Variants in ERICH1 observed in about 807,000 individuals in gnomAD.
ERICH1 encodes the protein glutamate rich 1, also known as glutamate-rich protein 1.
A neutral mutation model predicts 39.6 loss-of-function variants in ERICH1; 56 were observed. The ratio of observed to expected loss-of-function variants is 1.41; its 90% confidence interval spans 1.14 to 1.77. ERICH1 has a LOEUF of 1.77. Among genes scored for constraint, ERICH1 ranks in the 40% most tolerant of loss-of-function variants. The probability of loss-of-function intolerance (pLI) is 0.00; values close to 1 mark genes in which losing one functional copy is unlikely to be tolerated. For missense variants in ERICH1, 826 were observed against 575.4 expected (o/e 1.44, Z -4.45); for synonymous variants, 313 against 223.6 (o/e 1.40, Z -3.57).
At chr8:707,553 A>T (rs1209350012) in intron 2 of ERICH1, among the ~76,000 whole-genome samples, 1 of 152,154 alleles carries the variant, frequency 6.6e-6, no homozygotes, top group Non-Finnish European at 1.5e-5. Context: ...TGGGGAAATG[A>T]TGTCTTCCAC....
chr8:664,292 A>C lies in ERICH1; in HGVS notation c.*311T>G, dbSNP rs755434882. The C allele has an allele frequency of 1.1e-4, 110 of 1,032,010 alleles. No homozygotes were observed. The highest frequency in any genetic ancestry group is 1.3e-4 in the Non-Finnish European group (110 of 860,898). The allele number at this position is 1,032,010 out of a possible 1,614,324, so 63.9% of individuals were successfully genotyped here. On this transcript the variant is annotated 3_prime_UTR_variant, in exon 6 of 6. Transcript: ENST00000262109. ...ATTCAAAACTTCATAAAAATATATG[A>C]GCTTCAAACTATACATTTAACTTAA...
At chr8:713,470 C>A (rs1815229021) in intron 2 of ERICH1, among the ~76,000 whole-genome samples, 1 of 152,068 alleles carries the variant, frequency 6.6e-6, no homozygotes, top group Non-Finnish European at 1.5e-5. Flanking sequence ...ACGGATTTGT[C>A]CCATGGGAAA....
At chr8:678,461 G>A (rs974121003) in intron 3 of ERICH1, among the ~76,000 whole-genome samples, 4 of 152,176 alleles carry the variant, frequency 2.6e-5, no homozygotes, top group African/African-American at 9.6e-5. Context: ...CAATATTCCT[G>A]CATCTGTCTT....
intron 1 of ERICH1, among the ~76,000 whole-genome samples, chr8:719,680 C>T (rs1483785250): frequency 6.6e-6 from 1 of 152,226 alleles, no homozygotes; most frequent in Non-Finnish European, 1.5e-5. Flanking sequence ...CAGTGGCTTT[C>T]CTTCCTCACT....
intron 3 of ERICH1, among the ~76,000 whole-genome samples, chr8:686,922 G>A (rs975612591): frequency 6.8e-6 from 1 of 146,744 alleles, no homozygotes; most frequent in Non-Finnish European, 1.5e-5. Context: ...CCCTTGAGAG[G>A]GTGAGATGCG....
chr8:691,479 C>T (rs765490714), intron 3 of ERICH1, among the ~76,000 whole-genome samples: 3 of 152,362 alleles, frequency 2.0e-5, no homozygotes, highest in East Asian at 3.9e-4. Flanking sequence ...GAGCGCCAAC[C>T]GCGGACAACA....
Position 731,140 on chromosome 8 carries a change from C to T in ERICH1, c.22G>A (p.Val8Met), listed in dbSNP as rs1442950418. MAAHRKH[V>M]FVEKVLQRLF... ...AGGCCTCCGCACCGCACCCACCTACCGTGCTTCCTGTGCGCCGCCATGCGG... is the reference window on the plus strand; with the variant it reads ...AGGCCTCCGCACCGCACCCACCTACTGTGCTTCCTGTGCGCCGCCATGCGG... Residue 8 changes from valine (V) to methionine (M), a missense_variant and splice_region_variant, in exon 1 of 6, where the codon GTG becomes ATG. Transcript: ENST00000262109. The T allele has an allele frequency of 6.6e-7, 1 of 1,523,788 alleles. No homozygotes were observed. The allele number at this position is 1,523,788 out of a possible 1,614,324, so 94.4% of individuals were successfully genotyped here. A position where few individuals can be genotyped will look rare whatever the true frequency, so the allele number is the denominator to read the frequency against.
At chr8:658,691 C>A (rs926117454) in intron 3 of ERICH1, among the ~76,000 whole-genome samples, 4 of 152,168 alleles carry the variant, frequency 2.6e-5, no homozygotes, top group African/African-American at 7.2e-5. Context: ...AAGAGGAGGA[C>A]AAGACCCTAG....
At chr8:689,236 C>T (rs62484173) in intron 3 of ERICH1, among the ~76,000 whole-genome samples, 4,940 of 152,228 alleles carry the variant, frequency 0.032, 112 homozygotes, top group African/African-American at 0.064. Context: ...CTCAGCGTCT[C>T]GAGTAGCTGG....
rs1296439834 is a variant in ERICH1, at chr8:648,141, A to G, written c.976+20457T>C. On this transcript the variant is annotated intron_variant, in intron 3 of 3. Coordinates refer to the ERICH1 transcript ENST00000522706. ...GCTGCGAAGAGGCGAGAGGAAGCAA[A>G]AGGCACGACACTGCTCACCTGAAGG... Among the ~76,000 whole-genome samples, 6 of 67,102 alleles carry G rather than the reference A, an allele frequency of 8.9e-5. 3 individuals are homozygous for G. The highest frequency in any genetic ancestry group is 2.5e-4 in the Admixed American group (2 of 7,962). 44.0% of individuals were successfully genotyped at this position (67,102 alleles called of 152,430 possible).
intron 5 of ERICH1, chr8:668,179 C>A (rs965264937): frequency 7.9e-6 from 2 of 253,138 alleles, no homozygotes; most frequent in South Asian, 4.9e-5. Context: ...AAAAGGATGC[C>A]CGGTGAAGGT....
At chr8:722,545 C>A (rs1212474784) in intron 1 of ERICH1, among the ~76,000 whole-genome samples, 1 of 152,200 alleles carries the variant, frequency 6.6e-6, no homozygotes, top group African/African-American at 2.4e-5. Context: ...ATGTAGCTCA[C>A]AAAGAAACAA....
intron 3 of ERICH1, among the ~76,000 whole-genome samples, chr8:629,277 A>G (rs1435628652): frequency 6.6e-6 from 1 of 151,880 alleles, no homozygotes; most frequent in Non-Finnish European, 1.5e-5. Context: ...ATGACCAACT[A>G]CATGACGTAC....
chr8:619,148 G>T (rs1470661377), intron 3 of ERICH1, among the ~76,000 whole-genome samples: 1 of 151,914 alleles, frequency 6.6e-6, no homozygotes, highest in Non-Finnish European at 1.5e-5. Context: ...TACTCCCCCA[G>T]TGCCCAGTCT....
chr8:630,456 G>A (rs1464552932), intron 3 of ERICH1, among the ~76,000 whole-genome samples: 3 of 127,806 alleles, frequency 2.3e-5, no homozygotes, highest in Admixed American at 2.3e-4. Context: ...ACCCTCCCGT[G>A]AGCACCCAGA....
chr8:701,423 C>T (rs141574206), intron 2 of ERICH1, among the ~76,000 whole-genome samples: 111 of 152,332 alleles, frequency 7.3e-4, no homozygotes, highest in African/African-American at 2.6e-3. Context: ...GCCTTACCCA[C>T]GGGTGTGCCC....
chr8:629,664 C>T lies in ERICH1; in HGVS notation c.977-14380G>A, dbSNP rs983863800. Among the ~76,000 whole-genome samples the T allele has an allele frequency of 6.1e-5, 9 of 146,636 alleles. 2 individuals are homozygous for T. Among genetic ancestry groups the T allele is most frequent in the Non-Finnish European group, 1.2e-4 (8 of 67,540 alleles). On this transcript the variant is annotated intron_variant, in intron 3 of 3. Transcript: ENST00000522706. ...GCTGACTCACACCCGCCTGTGACCA[C>T]CCACAGAGACAGAGCTGACTCACAC...
chr8:639,700 T>C (rs1798772018), intron 3 of ERICH1, among the ~76,000 whole-genome samples: 1 of 125,464 alleles, frequency 8.0e-6, no homozygotes, highest in Admixed American at 8.4e-5. Flanking sequence ...CCAAGCACCC[T>C]GGATTCACAG....
chr8:622,044 CT>C (rs1418174790), intron 3 of ERICH1, among the ~76,000 whole-genome samples: 1 of 152,006 alleles, frequency 6.6e-6, no homozygotes, highest in Non-Finnish European at 1.5e-5. Flanking sequence ...GTGACAACAC[CT>C]CTACAGAAAA....
Sources: gnomAD v4.1 joint callset for allele counts (sites outside exome capture counted in the v4.1 genomes callset) on GRCh38, gnomAD v4.1.1 for gene constraint, MANE v1.5 for transcripts, NCBI Gene and HGNC (gene_info 2026-07-23, HGNC 2026-07-21) for gene names.